The following CSMD1 variants were observed in gnomAD, a reference collection of about 807,000 sequenced individuals.
CSMD1 encodes CUB and sushi domain-containing protein 1.
In CSMD1, 213 loss-of-function variants were observed where a neutral mutation model predicts 417.5. That is an observed-to-expected ratio of 0.51 (90% CI 0.46 to 0.57). CSMD1 has a LOEUF of 0.57. Among genes scored for constraint, CSMD1 ranks in the 20% least tolerant of loss-of-function variants. The probability of loss-of-function intolerance (pLI) is 0.00; values close to 1 mark genes in which losing one functional copy is unlikely to be tolerated. For synonymous variants in CSMD1, 2,862 were observed against 1,736.8 expected, an observed-to-expected ratio of 1.65 and a Z score of -16.11; for missense variants, 6,923 against 4,529.7, an observed-to-expected ratio of 1.53 and a Z score of -15.17.
At chr8:3,990,255 T>G (rs78252770) in intron 5 of CSMD1, among the ~76,000 whole-genome samples, 1,787 of 152,344 alleles carry the variant, frequency 0.012, 25 homozygotes, top group Non-Finnish European at 0.017. Flanking sequence ...ATAAAAGACT[T>G]CTTTTTTCAT....
At chr8:3,560,354 C>T (rs776347215) in intron 10 of CSMD1, among the ~76,000 whole-genome samples, 2 of 152,040 alleles carry the variant, frequency 1.3e-5, no homozygotes, top group Non-Finnish European at 2.9e-5. Context: ...ATCATCACCA[C>T]AGTTATATGG....
Position 4,795,252 on chromosome 8 carries a change from C to CTTTTTTTTTTT in CSMD1, c.86-157705_86-157695dup, listed in dbSNP as rs571984359. 3.0e-3 allele frequency among the ~76,000 whole-genome samples: 141 copies of CTTTTTTTTTTT among 46,250 alleles called. 31 individuals are homozygous for CTTTTTTTTTTT. Among genetic ancestry groups the CTTTTTTTTTTT allele is most frequent in the Non-Finnish European group, 4.4e-3 (105 of 23,986 alleles). The allele number at this position is 46,250 out of a possible 152,430, so 30.3% of individuals were successfully genotyped here. A position where few individuals can be genotyped will look rare whatever the true frequency, so the allele number is the denominator to read the frequency against. On this transcript the variant is annotated intron_variant, in intron 1 of 69. Transcript: ENST00000635120. The stretch of plus-strand genomic sequence containing the variant: ...ATTTCTAGGTCTGCTGGTGTCATAG[C>CTTTTTTTTTTT]TTTTTTTTTTTTTTTTTTTTTTTTT...
intron 1 of CSMD1, among the ~76,000 whole-genome samples, chr8:4,833,037 T>C (rs1265092662): frequency 1.3e-5 from 2 of 152,180 alleles, no homozygotes; most frequent in Non-Finnish European, 2.9e-5. Context: ...ATAGCTTACA[T>C]TAGAACATCT....
intron 5 of CSMD1, among the ~76,000 whole-genome samples, chr8:3,950,561 C>T (rs1219028199): frequency 1.3e-5 from 2 of 152,208 alleles, no homozygotes; most frequent in Non-Finnish European, 2.9e-5. Context: ...ACAAGCGTTC[C>T]GCTTGCCCAT....
intron 26 of CSMD1, among the ~76,000 whole-genome samples, chr8:3,264,636 TC>T (rs1801303429): frequency 1.3e-5 from 2 of 152,230 alleles, no homozygotes; most frequent in Non-Finnish European, 2.9e-5. Context: ...CTTTTGTGTT[TC>T]TTTCTTCTAA....
chr8:4,355,323 A>T (rs1221442010), intron 3 of CSMD1, among the ~76,000 whole-genome samples: 1 of 106,168 alleles, frequency 9.4e-6, no homozygotes, highest in African/African-American at 2.7e-5. Flanking sequence ...ACACACACAC[A>T]CGCACACACA....
chr8:3,548,639 G>A (rs1441377667), intron 10 of CSMD1, among the ~76,000 whole-genome samples: 9 of 147,452 alleles, frequency 6.1e-5, no homozygotes, highest in East Asian at 6.0e-4. Flanking sequence ...CCCTTTTCAC[G>A]GCTGAGTGGT....
intron 5 of CSMD1, among the ~76,000 whole-genome samples, chr8:3,979,521 A>C (rs1421818150): frequency 3.3e-5 from 5 of 152,242 alleles, no homozygotes; most frequent in African/African-American, 1.2e-4. Context: ...AGAAGCTGTA[A>C]CTCTCCAAGT....
At chr8:3,694,672 C>A (rs903013074) in intron 7 of CSMD1, among the ~76,000 whole-genome samples, 4 of 151,772 alleles carry the variant, frequency 2.6e-5, no homozygotes, top group Non-Finnish European at 5.9e-5. Context: ...AGGAGGTGCT[C>A]CACTGAACTG....
chr8:3,243,626 C>A lies in CSMD1; in HGVS notation c.4154-13395G>T, dbSNP rs1467444871. ...CACTTCTTTTGTGGTGGAATGTCAT[C>A]AGTTAAGGCAGGAACTGGCCATCTG... is the stretch of plus-strand genomic sequence containing the variant. On this transcript the variant is annotated intron_variant, in intron 26 of 69. Coordinates refer to ENST00000635120, the MANE Select transcript of CSMD1 (RefSeq NM_033225.6). Among the ~76,000 whole-genome samples, 5 of 151,976 alleles carry A rather than the reference C, an allele frequency of 3.3e-5. No homozygotes were observed. The East Asian group carries it at 9.7e-4, about 29-fold the overall frequency.
At chr8:3,845,458 CA>C (rs549802949) in intron 5 of CSMD1, among the ~76,000 whole-genome samples, 189 of 152,224 alleles carry the variant, frequency 1.2e-3, no homozygotes, top group African/African-American at 4.4e-3. Flanking sequence ...AGAAAAGGTA[CA>C]GCTGAAAAAT....
At chr8:3,624,395 G>A (rs1363862854) in intron 7 of CSMD1, among the ~76,000 whole-genome samples, 3 of 152,100 alleles carry the variant, frequency 2.0e-5, no homozygotes, top group Non-Finnish European at 2.9e-5. Flanking sequence ...TAAGTTAAAC[G>A]TTGATTTATA....
chr8:4,948,788 G>A (rs946040443), intron 1 of CSMD1, among the ~76,000 whole-genome samples: 1 of 152,028 alleles, frequency 6.6e-6, no homozygotes, highest in Non-Finnish European at 1.5e-5. Flanking sequence ...GTCTTAACGT[G>A]TTTTTATATT....
intron 7 of CSMD1, among the ~76,000 whole-genome samples, chr8:3,635,410 G>T (rs927676357): frequency 3.3e-5 from 5 of 151,906 alleles, no homozygotes; most frequent in African/African-American, 1.2e-4. Flanking sequence ...GTTGAACCTG[G>T]GAGATGGAGC....
intron 1 of CSMD1, among the ~76,000 whole-genome samples, chr8:4,817,819 G>GC (rs766745678): frequency 6.6e-6 from 1 of 152,194 alleles, no homozygotes; most frequent in Non-Finnish European, 1.5e-5. Flanking sequence ...AGTGCAGGGA[G>GC]CTTGTAACTA....
chr8:2,968,204 A>G (rs1008912981), intron 57 of CSMD1, among the ~76,000 whole-genome samples: 9 of 152,240 alleles, frequency 5.9e-5, no homozygotes, highest in Admixed American at 3.9e-4. Context: ...TATTCATTCA[A>G]CAAACACATA....
At chr8:4,477,926 C>G (rs1800890368) in intron 2 of CSMD1, among the ~76,000 whole-genome samples, 1 of 152,116 alleles carries the variant, frequency 6.6e-6, no homozygotes, top group African/African-American at 2.4e-5. Context: ...CAATTTTTGC[C>G]TGGCGCATGA....
intron 3 of CSMD1, among the ~76,000 whole-genome samples, chr8:4,033,758 C>G (rs1312263706): frequency 6.6e-6 from 1 of 152,098 alleles, no homozygotes; most frequent in Non-Finnish European, 1.5e-5. Context: ...TGATTCTGTT[C>G]TTTTTGGTCC....
chr8:4,394,204 G>A (rs562993395), intron 3 of CSMD1, among the ~76,000 whole-genome samples: 2 of 152,248 alleles, frequency 1.3e-5, no homozygotes, highest in East Asian at 1.9e-4. Context: ...TCTGAGACAA[G>A]TGCCTAGGTC....
Sources: gnomAD v4.1 joint callset for allele counts (sites outside exome capture counted in the v4.1 genomes callset) on GRCh38, gnomAD v4.1.1 for gene constraint, MANE v1.5 for transcripts, NCBI Gene and HGNC (gene_info 2026-07-23, HGNC 2026-07-21) for gene names.